ELOVL2: variants seen among roughly 807,000 people sequenced by gnomAD.
ELOVL2 encodes ELOVL fatty acid elongase 2, also known as very long chain fatty acid elongase 2.
A neutral mutation model predicts 37.7 loss-of-function variants in ELOVL2; 38 were observed. That is an observed-to-expected ratio of 1.01 (90% CI 0.78 to 1.32). ELOVL2 has a LOEUF of 1.32. Among genes scored for constraint, ELOVL2 ranks in the 40% most tolerant of loss-of-function variants. The probability of loss-of-function intolerance (pLI) is 0.00; values close to 1 mark genes in which losing one functional copy is unlikely to be tolerated. For missense variants in ELOVL2, 352 were observed against 363.6 expected, an observed-to-expected ratio of 0.97 and a Z score of 0.26; for synonymous variants, 115 against 122.3, an observed-to-expected ratio of 0.94 and a Z score of 0.40.
intron 2 of ELOVL2, among the ~76,000 whole-genome samples, chr6:11,009,356 T>C (rs994188917): frequency 2.0e-5 from 3 of 152,214 alleles, no homozygotes; most frequent in African/African-American, 4.8e-5. Flanking sequence ...TATAACAATA[T>C]ACTATAATAA....
In ELOVL2 at chr6:11,036,633, T is replaced by G. The variant is rs568523999; in HGVS notation, c.3+7595A>C. 2.6e-5 allele frequency among the ~76,000 whole-genome samples: 4 copies of G among 152,322 alleles called. No individual in the cohort carries two copies. In the East Asian group the frequency reaches 7.7e-4, roughly 29 times the overall value. On this transcript the variant is annotated intron_variant, in intron 1 of 7. Transcript: ENST00000354666. ...TTCACCACTGACATTAGAACAGTCA[T>G]GAAATCTGCATTTCCAAAAGTCAAG...
chr6:11,029,428 A>C lies in ELOVL2; in HGVS notation c.3+14800T>G, dbSNP rs1782887523. Among the ~76,000 whole-genome samples the C allele has an allele frequency of 2.6e-5, 4 of 152,160 alleles. No homozygotes were observed. In the South Asian group the frequency reaches 8.3e-4, roughly 32 times the overall value. ...CTTCGCAGTGTGGTTGTGAAGACTCAATGATTTCATACTTGTAAAAGCATC... is the reference window on the plus strand; with the variant it reads ...CTTCGCAGTGTGGTTGTGAAGACTCCATGATTTCATACTTGTAAAAGCATC... On this transcript the variant is annotated intron_variant, in intron 1 of 7. Coordinates refer to ENST00000354666, the MANE Select transcript of ELOVL2 (RefSeq NM_017770.4).
chr6:11,006,093 G>C (rs1433310659), intron 2 of ELOVL2, among the ~76,000 whole-genome samples: 1 of 152,158 alleles, frequency 6.6e-6, no homozygotes, highest in African/African-American at 2.4e-5. Flanking sequence ...AATTCCTAAA[G>C]CCCACACAGC....
intron 3 of ELOVL2, among the ~76,000 whole-genome samples, chr6:11,002,697 G>A (rs9461408): frequency 1.4e-4 from 22 of 152,280 alleles, no homozygotes; most frequent in Non-Finnish European, 2.9e-4. Context: ...ACAACTAAAC[G>A]GTTGTTCTTG....
At chr6:11,022,303 T>C (rs1332889021) in intron 1 of ELOVL2, among the ~76,000 whole-genome samples, 1 of 152,188 alleles carries the variant, frequency 6.6e-6, no homozygotes, top group African/African-American at 2.4e-5. Flanking sequence ...TGAACGGCAG[T>C]GAGCACTGCC....
intron 1 of ELOVL2, chr6:11,043,439 CTGTCAGGCAGTTCATCGG>C (rs1561732188): frequency 2.6e-3 from 164 of 63,520 alleles, no homozygotes; most frequent in East Asian, 0.016. Context: ...ACACAGCTTA[CTGTCAGGCAGTTCATCGG>C]ACACGGGTGA....
intron 4 of ELOVL2, among the ~76,000 whole-genome samples, chr6:10,996,038 T>C (rs1782262594): frequency 6.6e-6 from 1 of 152,156 alleles, no homozygotes; most frequent in African/African-American, 2.4e-5. Context: ...TGATAACACA[T>C]CCTTTCCCTC....
chr6:10,995,311 C>G, intron 4 of ELOVL2, 133 bp from the exon 5 acceptor site: 1 of 665,370 alleles, frequency 1.5e-6, no homozygotes, highest in Non-Finnish European at 2.6e-6. Context: ...GGCAGCTCAC[C>G]TGGTGTCCTT....
chr6:10,986,920 A>G (rs1258822562), intron 7 of ELOVL2, among the ~76,000 whole-genome samples: 2 of 152,160 alleles, frequency 1.3e-5, no homozygotes, highest in Non-Finnish European at 2.9e-5. Context: ...TTTCAGAAGG[A>G]ATGGTACCAG....
At chr6:10,984,823 G>C (rs916200186) in intron 7 of ELOVL2, among the ~76,000 whole-genome samples, 2 of 151,832 alleles carry the variant, frequency 1.3e-5, no homozygotes, top group Non-Finnish European at 2.9e-5. Flanking sequence ...GTAAACATAC[G>C]TGTGCATGTG....
In ELOVL2 at chr6:11,044,081, G is replaced by C; in HGVS notation, c.3+147C>G. 1 of 1,076,934 alleles carries C rather than the reference G, an allele frequency of 9.3e-7. No individual in the cohort carries two copies. The highest frequency in any genetic ancestry group is 1.2e-6 in the Non-Finnish European group (1 of 830,776). 66.7% of individuals were successfully genotyped at this position (1,076,934 alleles called of 1,614,324 possible). A position where few individuals can be genotyped will look rare whatever the true frequency, so the allele number is the denominator to read the frequency against. On this transcript the variant is annotated intron_variant, in intron 1 of 7. Coordinates refer to ENST00000354666, the MANE Select transcript of ELOVL2 (RefSeq NM_017770.4). The surrounding 1 kb of genome is among the most constrained non-coding windows in gnomAD (Gnocchi z 5.6). ...AGCTCCCGCTCCCCAGGCCCGCGCG[G>C]ACCCGGCCCCTCCGAGGGTAGCGGG...
chr6:11,030,426 A>T (rs2113557534), intron 1 of ELOVL2, among the ~76,000 whole-genome samples: 1 of 152,320 alleles, frequency 6.6e-6, no homozygotes, highest in East Asian at 1.9e-4. Context: ...AGTACAGAAT[A>T]ATAAAATAGA....
intron 4 of ELOVL2, among the ~76,000 whole-genome samples, chr6:10,999,519 G>A (rs1173069152): frequency 2.6e-5 from 4 of 151,942 alleles, no homozygotes; most frequent in Admixed American, 6.6e-5. Context: ...GGGACTACAG[G>A]TGCCCACCAC....
intron 5 of ELOVL2, among the ~76,000 whole-genome samples, chr6:10,994,237 C>T (rs556141418): frequency 3.6e-4 from 55 of 151,946 alleles, no homozygotes; most frequent in African/African-American, 1.3e-3. Flanking sequence ...GAGGCTGAGG[C>T]GGGTGGATTG....
rs563554615 is a variant in ELOVL2, at chr6:10,983,141, C to T, written c.*640G>A. On this transcript the variant is annotated 3_prime_UTR_variant, in exon 8 of 8. Coordinates refer to ENST00000354666, the MANE Select transcript of ELOVL2 (RefSeq NM_017770.4). ...AAGCATTTTTTTCTCCTTAGAATAA[C>T]TAATATTTAAAATAAATACCAATTT... The T allele has an allele frequency of 6.6e-6, 1 of 152,230 alleles. No individual in the cohort carries two copies. Among genetic ancestry groups the T allele is most frequent in the South Asian group, 2.1e-4 (1 of 4,818 alleles). The allele number at this position is 152,230 out of a possible 1,614,324, so 9.4% of individuals were successfully genotyped here.
intron 1 of ELOVL2, among the ~76,000 whole-genome samples, chr6:11,027,882 C>G (rs894483018): frequency 6.6e-6 from 1 of 152,206 alleles, no homozygotes; most frequent in Non-Finnish European, 1.5e-5. Context: ...AGACTCTCAC[C>G]TTTTTCAGCA....
intron 7 of ELOVL2, among the ~76,000 whole-genome samples, chr6:10,985,255 A>AT: frequency 6.6e-6 from 1 of 151,476 alleles, no homozygotes; most frequent in South Asian, 2.1e-4. Context: ...TAGATTCTGG[A>AT]TATTAGCCCT....
chr6:11,013,555 T>C (rs1782619953), intron 1 of ELOVL2, among the ~76,000 whole-genome samples: 1 of 152,192 alleles, frequency 6.6e-6, no homozygotes, highest in South Asian at 2.1e-4. Context: ...ACAGCATTCG[T>C]GTACATAACA....
Position 11,044,194 on chromosome 6 carries a change from G to C in ELOVL2, c.3+34C>G. 1.4e-6 allele frequency: 2 copies of C among 1,454,362 alleles called. No homozygotes were observed. Among genetic ancestry groups the C allele is most frequent in the Non-Finnish European group, 1.8e-6 (2 of 1,101,904 alleles). 90.1% of individuals were successfully genotyped at this position (1,454,362 alleles called of 1,614,324 possible). A position where few individuals can be genotyped will look rare whatever the true frequency, so the allele number is the denominator to read the frequency against. ...TGGGTCCAGGAGAGAAAGAAAGCGC[G>C]GCGGTGTCGGTGGCGGCGCGCGGCC... On this transcript the variant is annotated intron_variant, in intron 1 of 7. Transcript: ENST00000354666. This position sits in a 1 kb window ranked among gnomAD's most constrained non-coding sequence, Gnocchi z 5.6.
Sources: allele counts gnomAD v4.1 joint callset (sites outside exome capture counted in the v4.1 genomes callset), GRCh38; gene constraint gnomAD v4.1.1; non-coding constraint Gnocchi (gnomAD v3.1); transcripts MANE v1.5; gene names NCBI Gene and HGNC (gene_info 2026-07-23, HGNC 2026-07-21).